The following ZFAND6 variants were observed in gnomAD, a reference collection of about 807,000 sequenced individuals.
ZFAND6 encodes AN1-type zinc finger protein 6.
In ZFAND6, 12 loss-of-function variants were observed where a neutral mutation model predicts 24.5. The observed-to-expected ratio is 0.49, with a 90% CI of 0.31 to 0.79. The LOEUF is 0.79. Ranked by LOEUF, ZFAND6 falls within the 30% of genes least tolerant of loss-of-function variation. ZFAND6 has a pLI of 0.04. For synonymous variants in ZFAND6, 92 were observed against 81.5 expected, an observed-to-expected ratio of 1.13 and a Z score of -0.69; for missense variants, 207 against 245.9, an observed-to-expected ratio of 0.84 and a Z score of 1.06.
chr15:80,118,725 A>G (rs2040013065), intron 2 of ZFAND6, among the ~76,000 whole-genome samples: 1 of 152,168 alleles, frequency 6.6e-6, no homozygotes, highest in Non-Finnish European at 1.5e-5. Context: ...TTGTGTTCAT[A>G]GGCTAAAGGT....
chr15:80,060,485 T>C (rs975711950), intron 1 of ZFAND6: 1 of 152,166 alleles, frequency 6.6e-6, no homozygotes, highest in Non-Finnish European at 1.5e-5. Flanking sequence ...TTTAACTTGG[T>C]TTTTAAGTCA....
chr15:80,115,944 T>C (rs2039855455), intron 2 of ZFAND6, among the ~76,000 whole-genome samples: 1 of 152,222 alleles, frequency 6.6e-6, no homozygotes, highest in Non-Finnish European at 1.5e-5. Flanking sequence ...TTGCTAGCCA[T>C]ATATTTACCA....
chr15:80,092,613 C>T (rs182717135), intron 1 of ZFAND6, among the ~76,000 whole-genome samples: 1 of 152,070 alleles, frequency 6.6e-6, no homozygotes, highest in Non-Finnish European at 1.5e-5. Context: ...ATCATTCAGG[C>T]TGAATTAGTG....
intron 1 of ZFAND6, chr15:80,060,257 G>A (rs1351607881): frequency 6.6e-6 from 1 of 152,114 alleles, no homozygotes. Context: ...GGTCCTCTTC[G>A]GGATGTTTTT....
At chr15:80,065,976 A>G (rs562152763) in intron 1 of ZFAND6, among the ~76,000 whole-genome samples, 1 of 152,286 alleles carries the variant, frequency 6.6e-6, no homozygotes, top group Non-Finnish European at 1.5e-5. Flanking sequence ...TTGATGAGTA[A>G]TATTTTTATG....
intron 2 of ZFAND6, among the ~76,000 whole-genome samples, chr15:80,115,244 TAGAGGG>T (rs1342472593): frequency 6.6e-6 from 1 of 152,164 alleles, no homozygotes; most frequent in African/African-American, 2.4e-5. Flanking sequence ...TCTGGGATGT[TAGAGGG>T]AGTAATAGGT....
At chr15:80,067,589 T>C (rs1422401650) in intron 1 of ZFAND6, among the ~76,000 whole-genome samples, 1 of 152,196 alleles carries the variant, frequency 6.6e-6, no homozygotes, top group East Asian at 1.9e-4. Flanking sequence ...TTTAAATAAA[T>C]TTAAATTTAA....
At chr15:80,119,782 C>G (rs2040065724) in intron 2 of ZFAND6, among the ~76,000 whole-genome samples, 1 of 152,174 alleles carries the variant, frequency 6.6e-6, no homozygotes, top group South Asian at 2.1e-4. Flanking sequence ...GAATTGCTAA[C>G]TTGCTTTCCA....
At chr15:80,065,396 C>T (rs893591693) in intron 1 of ZFAND6, among the ~76,000 whole-genome samples, 2 of 151,846 alleles carry the variant, frequency 1.3e-5, no homozygotes, top group Non-Finnish European at 2.9e-5. Context: ...ATACATGGGG[C>T]ATGGTATTTT....
chr15:80,079,552 A>G (rs1231647018), intron 1 of ZFAND6, among the ~76,000 whole-genome samples: 1 of 151,716 alleles, frequency 6.6e-6, no homozygotes, highest in East Asian at 1.9e-4. Context: ...TTCTTTTGGT[A>G]TACATTAAAT....
At chr15:80,073,266 G>A in intron 1 of ZFAND6, 1 of 302,686 alleles carries the variant, frequency 3.3e-6, no homozygotes, top group Non-Finnish European at 6.7e-6. Flanking sequence ...TCTTTCAAAG[G>A]TGGAGATAAG....
At chr15:80,113,314 A>G (rs12441266) in intron 2 of ZFAND6, among the ~76,000 whole-genome samples, 82,863 of 152,076 alleles carry the variant, frequency 0.54, 24,758 homozygotes, top group Non-Finnish European at 0.68. Flanking sequence ...AACAGAAGAA[A>G]TCTGGAATTA....
intron 2 of ZFAND6, among the ~76,000 whole-genome samples, chr15:80,109,631 A>T (rs12438497): frequency 0.77 from 117,776 of 152,076 alleles, 45,825 homozygotes; most frequent in Admixed American, 0.85. Flanking sequence ...CTTTAAGTCA[A>T]GGTAAAGAAT....
intron 1 of ZFAND6, among the ~76,000 whole-genome samples, chr15:80,061,544 T>C (rs1042033714): frequency 6.6e-6 from 1 of 152,352 alleles, no homozygotes. Context: ...TCCTTGACTT[T>C]TTGAAAAATA....
At chr15:80,060,635 A>T (rs1192031624) in intron 1 of ZFAND6, 1 of 152,246 alleles carries the variant, frequency 6.6e-6, no homozygotes, top group Non-Finnish European at 1.5e-5. Flanking sequence ...AAAACTGGGC[A>T]GAATTGGCCA....
At chr15:80,124,428 G>A (rs1047146780) in intron 5 of ZFAND6, among the ~76,000 whole-genome samples, 3 of 149,722 alleles carry the variant, frequency 2.0e-5, no homozygotes, top group African/African-American at 4.9e-5. Flanking sequence ...GCGAGACTCC[G>A]TCTCAAAAAA....
chr15:80,066,819 A>G lies in ZFAND6; in HGVS notation c.-181+7010A>G, dbSNP rs201090414. Among the ~76,000 whole-genome samples, 11 of 150,392 alleles carry G rather than the reference A, an allele frequency of 7.3e-5. No homozygotes were observed. The East Asian group carries it at 1.2e-3, about 16-fold the overall frequency. The stretch of plus-strand genomic sequence containing the variant: ...GGCTGAGGCAGGAGAATCACTTGAA[A>G]CTTAGAGGCGGAGGTTGCAGTGAGC... On this transcript the variant is annotated intron_variant, in intron 1 of 6. Transcript: ENST00000261749.
At chr15:80,111,120 TAGCTTGGTGTTCTAAGTGG>T (rs1318000095) in intron 2 of ZFAND6, among the ~76,000 whole-genome samples, 4 of 152,224 alleles carry the variant, frequency 2.6e-5, no homozygotes, top group Non-Finnish European at 4.4e-5. Flanking sequence ...CAGATATATT[TAGCTTGGTGTTCTAAGTGG>T]AGATGGGATT....
intron 1 of ZFAND6, among the ~76,000 whole-genome samples, chr15:80,089,133 C>T (rs2038180351): frequency 6.6e-6 from 1 of 151,806 alleles, no homozygotes. Context: ...TCATAATTGA[C>T]AACTCCTTCT....
Sources: allele counts gnomAD v4.1 joint callset (sites outside exome capture counted in the v4.1 genomes callset), GRCh38; gene constraint gnomAD v4.1.1; transcripts MANE v1.5; gene names NCBI Gene and HGNC (gene_info 2026-07-23, HGNC 2026-07-21).